SGSM1: variants seen among roughly 807,000 people sequenced by gnomAD.
SGSM1 encodes small G protein signaling modulator 1.
A neutral mutation model predicts 133.8 loss-of-function variants in SGSM1; 73 were observed. That is an observed-to-expected ratio of 0.55 (90% CI 0.45 to 0.66). The LOEUF is 0.66. Ranked by LOEUF, SGSM1 falls within the 30% of genes least tolerant of loss-of-function variation. The pLI, the probability that SGSM1 is intolerant of heterozygous loss-of-function variation, is 0.00. For synonymous variants in SGSM1, 563 were observed against 573.0 expected (o/e 0.98, Z 0.25); for missense variants, 1,213 against 1,448.1 (o/e 0.84, Z 2.64).
chr22:24,859,919 G>A, intron 9 of SGSM1, 79 bp downstream of exon 9: 1 of 1,577,176 alleles, frequency 6.3e-7, no homozygotes. Flanking sequence ...CCGGGGGAGG[G>A]GAGGTTTGTA....
chr22:24,858,654 A>AAAAAAAGAAG (rs1268815477), intron 8 of SGSM1, among the ~76,000 whole-genome samples: 1 of 142,722 alleles, frequency 7.0e-6, no homozygotes, highest in East Asian at 2.1e-4. Flanking sequence ...AAAAAAAAAA[A>AAAAAAAGAAG]AAGAAGAAAG....
At chr22:24,921,145 G>A (rs940056269) in intron 24 of SGSM1, among the ~76,000 whole-genome samples, 4 of 150,214 alleles carry the variant, frequency 2.7e-5, no homozygotes, top group African/African-American at 4.9e-5. Flanking sequence ...TGTTACCCGC[G>A]CTGGAGTGAA....
At chr22:24,869,553 G>A (rs1463315470) in intron 12 of SGSM1, among the ~76,000 whole-genome samples, 4 of 152,202 alleles carry the variant, frequency 2.6e-5, no homozygotes, top group Non-Finnish European at 5.9e-5. Flanking sequence ...CTTTTTAAAT[G>A]AGATAAAGCA....
chr22:24,842,319 G>A (rs1310371036), intron 2 of SGSM1, among the ~76,000 whole-genome samples: 1 of 152,118 alleles, frequency 6.6e-6, no homozygotes, highest in Non-Finnish European at 1.5e-5. Flanking sequence ...CCTCATAGCT[G>A]TGTGACCCCA....
chr22:24,912,218 A>G (rs1933652994), intron 21 of SGSM1, among the ~76,000 whole-genome samples: 1 of 152,196 alleles, frequency 6.6e-6, no homozygotes, highest in Admixed American at 6.5e-5. Context: ...AGTACACGCT[A>G]AGGAAATCTG....
chr22:24,895,149 A>G, intron 17 of SGSM1, 74 bp from the exon 18 acceptor site: 1 of 1,451,090 alleles, frequency 6.9e-7, no homozygotes, highest in Non-Finnish European at 9.5e-7. Flanking sequence ...TCTGGCTCCC[A>G]GCCCAGCAGT....
intron 2 of SGSM1, among the ~76,000 whole-genome samples, chr22:24,824,662 C>T (rs760582294): frequency 2.6e-5 from 4 of 152,122 alleles, no homozygotes; most frequent in Admixed American, 6.6e-5. Flanking sequence ...GGGGCAGTCA[C>T]GGGCGATTTT....
At chr22:24,848,295 G>A (rs549391288) in intron 4 of SGSM1, among the ~76,000 whole-genome samples, 3 of 152,002 alleles carry the variant, frequency 2.0e-5, no homozygotes, top group Admixed American at 2.0e-4. Context: ...TAGGACCCAC[G>A]GCCTGTTCTA....
chr22:24,806,369 C>G (rs1180146139), intron 1 of SGSM1, 25 bp downstream of exon 1: 2 of 1,502,660 alleles, frequency 1.3e-6, no homozygotes, highest in Non-Finnish European at 1.8e-6. Flanking sequence ...GACACGAGGG[C>G]GGCGGGAGGG....
rs1927380217 is a variant in SGSM1, at chr22:24,806,342, C to G, written c.17C>G (p.Ala6Gly). 6.8e-7 allele frequency: 1 copy of G among 1,477,046 alleles called. No individual in the cohort carries two copies. The highest frequency in any genetic ancestry group is 1.5e-5 in the African/African-American group (1 of 67,640). The allele number at this position is 1,477,046 out of a possible 1,614,324, so 91.5% of individuals were successfully genotyped here. ...CTCGGAGCCATGGCCTCGGCCCCCG[C>G]GGGTAAGAGGCCGCTGGACACGAGG... MASAP[A>G]EAETRQRLLR... is the part of the protein sequence containing the mutation. Residue 6 changes from alanine to glycine, a missense_variant and splice_region_variant, in exon 1 of 25, where the codon GCG becomes GGG. Transcript: ENST00000400358.
intron 8 of SGSM1, among the ~76,000 whole-genome samples, chr22:24,859,285 CTG>C (rs1204229100): frequency 6.6e-6 from 1 of 152,082 alleles, no homozygotes; most frequent in Non-Finnish European, 1.5e-5. Context: ...GAGGAGGTCT[CTG>C]AGTATTGTCT....
At chr22:24,883,800 TAAAA>T (rs1172074270) in intron 14 of SGSM1, among the ~76,000 whole-genome samples, 1 of 151,878 alleles carries the variant, frequency 6.6e-6, no homozygotes, top group African/African-American at 2.4e-5. Flanking sequence ...CTACAAAAAA[TAAAA>T]AATTAGCCAG....
intron 14 of SGSM1, among the ~76,000 whole-genome samples, chr22:24,880,235 C>T (rs374141987): frequency 1.3e-5 from 2 of 151,900 alleles, no homozygotes; most frequent in Admixed American, 6.6e-5. Context: ...CCTGGGTTCA[C>T]GCCATTCTCC....
At chr22:24,890,228 T>C (rs1056158294) in intron 16 of SGSM1, among the ~76,000 whole-genome samples, 2 of 152,186 alleles carry the variant, frequency 1.3e-5, no homozygotes, top group African/African-American at 2.4e-5. Context: ...AGTCCTGGGA[T>C]TACAGGCATG....
At position 24,876,630 on chromosome 22, in the gene SGSM1, C is replaced by T. The variant is rs1309589619; in HGVS notation, c.1345C>T (p.Pro449Ser). Residue 449 changes from proline to serine, a missense_variant, in exon 13 of 25, where the codon CCC becomes TCC. Pro to Ser is a moderately conservative substitution (Grantham distance 74). Transcript: ENST00000400358. ...SVSNLPSLWQ[P>S]SPRKSSCSSC... ...AAGCAACCTCCCATCCCTGTGGCAG[C>T]CCAGTCCCCGGAAGTCCTCCTGTTC... 3.0e-5 allele frequency: 48 copies of T among 1,613,902 alleles called. No homozygotes were observed. The highest frequency in any genetic ancestry group is 4.1e-5 in the Non-Finnish European group (48 of 1,179,900).
At chr22:24,848,672 A>G (rs1930286164) in intron 4 of SGSM1, among the ~76,000 whole-genome samples, 1 of 152,258 alleles carries the variant, frequency 6.6e-6, no homozygotes, top group Admixed American at 6.5e-5. Context: ...GGCTTCCCAG[A>G]GGAATGTGCT....
chr22:24,917,648 T>C lies in SGSM1; in HGVS notation c.2929-10T>C. On this transcript the variant is annotated splice_polypyrimidine_tract_variant and intron_variant, in intron 22 of 24. Coordinates refer to ENST00000400358, the MANE Select transcript of SGSM1 (RefSeq NM_001098497.3). ...CCAGGAGGCTGATGCTGCCTTTCCT[T>C]CCTTGACAGATCCTGGACTCAGAGC... 1.9e-6 allele frequency: 3 copies of C among 1,611,310 alleles called. No homozygotes were observed. Among genetic ancestry groups the C allele is most frequent in the Non-Finnish European group, 2.5e-6 (3 of 1,178,412 alleles).
At position 24,901,880 on chromosome 22, in the gene SGSM1, G is replaced by A. The variant is rs779686325; in HGVS notation, c.2658G>A (p.Lys886=). 6.2e-7 allele frequency: 1 copy of A among 1,611,714 alleles called. No homozygotes were observed. Among genetic ancestry groups the A allele is most frequent in the Non-Finnish European group, 8.5e-7 (1 of 1,179,116 alleles). Residue 886 remains lysine (K), a synonymous_variant, in exon 20 of 25, where the codon AAG becomes AAA. Coordinates refer to ENST00000400358, the MANE Select transcript of SGSM1 (RefSeq NM_001098497.3). ...CGGTGAACCTGCACCGCATCGAGAAGGATGTGCAGAGGTGCGACCGCAACT... is the reference window on the plus strand; with the variant it reads ...CGGTGAACCTGCACCGCATCGAGAAAGATGTGCAGAGGTGCGACCGCAACT... ...LYTVNLHRIE[K]DVQRCDRNYW...
intron 21 of SGSM1, among the ~76,000 whole-genome samples, chr22:24,910,128 AAT>A (rs1183491423): frequency 6.6e-6 from 1 of 152,182 alleles, no homozygotes; most frequent in Admixed American, 6.5e-5. Flanking sequence ...ATTTATATGA[AAT>A]GTCCAGAATA....
Sources: allele counts gnomAD v4.1 joint callset (sites outside exome capture counted in the v4.1 genomes callset), GRCh38; gene constraint gnomAD v4.1.1; transcripts MANE v1.5; gene names NCBI Gene and HGNC (gene_info 2026-07-23, HGNC 2026-07-21).